Variants in ARID1B observed in about 807,000 individuals in gnomAD.
The protein encoded by ARID1B is AT-rich interaction domain 1B.
ARID1B carries 30 observed loss-of-function variants against 212.3 expected under a neutral mutation model. That is an observed-to-expected ratio of 0.14 (90% CI 0.11 to 0.19). The LOEUF (loss-of-function observed/expected upper bound fraction) is 0.19. ARID1B is among the 10% of genes least tolerant of loss of function. The probability of loss-of-function intolerance (pLI) is 1.00; values close to 1 mark genes in which losing one functional copy is unlikely to be tolerated. For missense variants in ARID1B, 2,891 were observed against 3,204.0 expected (o/e 0.90, Z 2.36); for synonymous variants, 1,402 against 1,301.7 (o/e 1.08, Z -1.66).
intron 4 of ARID1B, among the ~76,000 whole-genome samples, chr6:157,009,710 TC>T (rs774623988): frequency 5.9e-5 from 9 of 152,268 alleles, no homozygotes; most frequent in South Asian, 2.1e-4. Flanking sequence ...AATATGCTTT[TC>T]TAAGTGTTTT....
chr6:157,178,697 T>C (rs1490737590), intron 11 of ARID1B, among the ~76,000 whole-genome samples: 2 of 149,976 alleles, frequency 1.3e-5, no homozygotes, highest in Non-Finnish European at 2.9e-5. Context: ...TGACAACAAA[T>C]TGAGATAGGC....
rs1177807875 is a variant in ARID1B at position 157,004,897 on chromosome 6, CTTTTTTTTTTTTTTTTTT to C, written c.2247+69338_2247+69355del. On this transcript the variant is annotated intron_variant, in intron 4 of 19. Coordinates refer to ENST00000636930, the MANE Select transcript of ARID1B (RefSeq NM_001374828.1). Reference sequence around the variant, plus strand: ...TTTTTTCTTTTTCTTCTTCTTTTTTCTTTTTTTTTTTTTTTTTTTTTTTTTTTTTTTTTTGAGATGAGC... The same window carrying C: ...TTTTTTCTTTTTCTTCTTCTTTTTTCTTTTTTTTTTTTTTTTGAGATGAGC... Among the ~76,000 whole-genome samples, 159 of 54,710 alleles carry C rather than the reference CTTTTTTTTTTTTTTTTTT, an allele frequency of 2.9e-3. 1 individual carries two copies. Among genetic ancestry groups the C allele is most frequent in the Non-Finnish European group, 5.1e-3 (139 of 27,302 alleles). 35.9% of individuals were successfully genotyped at this position (54,710 alleles called of 152,430 possible).
chr6:156,934,545 A>G (rs985887334), intron 3 of ARID1B, among the ~76,000 whole-genome samples: 3 of 152,058 alleles, frequency 2.0e-5, no homozygotes, highest in Non-Finnish European at 2.9e-5. Flanking sequence ...TCTGAAAACT[A>G]TGCCCCATGA....
At position 156,901,626 on chromosome 6, in the gene ARID1B, G is replaced by T. The variant is rs1024916355; in HGVS notation, c.2136+101G>T. The T allele has an allele frequency of 4.3e-6, 6 of 1,410,828 alleles. No individual in the cohort carries two copies. The African/African-American group carries it at 8.7e-5, about 21-fold the overall frequency. The allele number at this position is 1,410,828 out of a possible 1,614,324, so 87.4% of individuals were successfully genotyped here. A position where few individuals can be genotyped will look rare whatever the true frequency, so the allele number is the denominator to read the frequency against. The stretch of plus-strand genomic sequence containing the variant: ...CCTTTATTAAAAATTATGTTCTGGT[G>T]GAAAAAAAATTAGTTTTGAGAAAAT... On this transcript the variant is annotated intron_variant, in intron 3 of 19. Transcript: ENST00000636930.
intron 4 of ARID1B, among the ~76,000 whole-genome samples, chr6:157,006,336 T>C (rs1779250101): frequency 6.6e-6 from 1 of 152,214 alleles, no homozygotes; most frequent in Admixed American, 6.5e-5. Context: ...TGTGGAATAC[T>C]GTGTTAGGTC....
chr6:156,937,221 A>C (rs2128279289), intron 4 of ARID1B: 1 of 152,218 alleles, frequency 6.6e-6, no homozygotes, highest in South Asian at 2.1e-4. Context: ...GAGAGAGAGA[A>C]GGAGAGAGAC....
intron 4 of ARID1B, among the ~76,000 whole-genome samples, chr6:157,062,744 C>A (rs925124653): frequency 1.4e-4 from 20 of 146,754 alleles, no homozygotes; most frequent in African/African-American, 5.0e-4. Flanking sequence ...GTTTTTGTTG[C>A]CCAAGCTGGA....
At chr6:156,985,767 A>G (rs982458334) in intron 4 of ARID1B, 2 of 152,210 alleles carry the variant, frequency 1.3e-5, no homozygotes, top group Non-Finnish European at 2.9e-5. Context: ...ACGTCTGCAC[A>G]TTGCTACAAA....
chr6:157,155,712 G>A (rs1342687684), intron 8 of ARID1B, among the ~76,000 whole-genome samples: 1 of 152,112 alleles, frequency 6.6e-6, no homozygotes, highest in Non-Finnish European at 1.5e-5. Context: ...TCATTAACAG[G>A]GTGAATAAAT....
intron 4 of ARID1B, among the ~76,000 whole-genome samples, chr6:157,009,250 TG>T (rs1779422214): frequency 6.6e-6 from 1 of 152,054 alleles, no homozygotes; most frequent in African/African-American, 2.4e-5. Flanking sequence ...TTGAGTAAAA[TG>T]GAGGTGCAGT....
intron 4 of ARID1B, among the ~76,000 whole-genome samples, chr6:156,951,134 T>G (rs572078269): frequency 6.6e-6 from 1 of 152,212 alleles, no homozygotes; most frequent in Non-Finnish European, 1.5e-5. Context: ...GTGGCCACTT[T>G]TAACTGAAAG....
At chr6:157,183,777 C>A (rs1031239627) in intron 12 of ARID1B, among the ~76,000 whole-genome samples, 10 of 152,288 alleles carry the variant, frequency 6.6e-5, no homozygotes, top group South Asian at 2.1e-4. Flanking sequence ...GCTGCTTTTG[C>A]TTTTGCCTGA....
chr6:156,865,057 C>G (rs1235332169), intron 2 of ARID1B, among the ~76,000 whole-genome samples: 1 of 152,156 alleles, frequency 6.6e-6, no homozygotes, highest in Non-Finnish European at 1.5e-5. Context: ...GTTTTATCTT[C>G]TAGAGGACTT....
chr6:157,021,916 C>T (rs1035101233), intron 4 of ARID1B, among the ~76,000 whole-genome samples: 1 of 152,242 alleles, frequency 6.6e-6, no homozygotes, highest in Admixed American at 6.5e-5. Context: ...CCCCTAACCT[C>T]TGCGTCCCGC....
chr6:157,015,154 A>G (rs549692249), intron 4 of ARID1B, among the ~76,000 whole-genome samples: 1 of 152,278 alleles, frequency 6.6e-6, no homozygotes, highest in African/African-American at 2.4e-5. Flanking sequence ...TGTGACTTGA[A>G]GAATAAAGAG....
chr6:156,948,274 C>T (rs1793312009), intron 4 of ARID1B, among the ~76,000 whole-genome samples: 1 of 152,216 alleles, frequency 6.6e-6, no homozygotes, highest in South Asian at 2.1e-4. Context: ...GTCACCTACG[C>T]TGGAGTGCAA....
intron 2 of ARID1B, among the ~76,000 whole-genome samples, chr6:156,896,375 G>A (rs1233292148): frequency 2.0e-5 from 3 of 149,998 alleles, no homozygotes; most frequent in South Asian, 2.1e-4. Flanking sequence ...TCAGGAGTTC[G>A]AGACCAGCCT....
chr6:157,014,326 G>C (rs1779783958), intron 4 of ARID1B, among the ~76,000 whole-genome samples: 1 of 152,118 alleles, frequency 6.6e-6, no homozygotes. Flanking sequence ...TGCAATCCTG[G>C]TTCTCCACTA....
chr6:157,166,976 C>T (rs2128289765), intron 8 of ARID1B, 64 bp from the exon 9 acceptor site: 1 of 1,570,448 alleles, frequency 6.4e-7, no homozygotes, highest in African/African-American at 1.4e-5. Flanking sequence ...GAAATGACTG[C>T]CAGGGCAAAC....
Sources: allele counts gnomAD v4.1 joint callset (sites outside exome capture counted in the v4.1 genomes callset), GRCh38; gene constraint gnomAD v4.1.1; transcripts MANE v1.5; gene names NCBI Gene and HGNC (gene_info 2026-07-23, HGNC 2026-07-21).